Variants in TIAM2 observed in about 807,000 individuals in gnomAD.
The protein encoded by TIAM2 is rho guanine nucleotide exchange factor TIAM2.
TIAM2 carries 80 observed loss-of-function variants against 152.9 expected under a neutral mutation model. The ratio of observed to expected loss-of-function variants is 0.52; its 90% CI spans 0.44 to 0.63. TIAM2 has a LOEUF of 0.63. Ranked by LOEUF, TIAM2 falls within the 30% of genes least tolerant of loss-of-function variation. TIAM2 has a pLI of 0.00. For synonymous variants in TIAM2, 804 were observed against 838.0 expected, an observed-to-expected ratio of 0.96 and a Z score of 0.70; for missense variants, 1,965 against 2,120.1, an observed-to-expected ratio of 0.93 and a Z score of 1.44.
At chr6:155,172,402 C>CA (rs111691865) in intron 9 of TIAM2, among the ~76,000 whole-genome samples, 1 of 150,958 alleles carries the variant, frequency 6.6e-6, no homozygotes. Flanking sequence ...CCTCAGCTTC[C>CA]AAAAAAAATC....
Position 155,043,633 on chromosome 6 carries a change from CAAA to C in TIAM2, c.-208-46634_-208-46632del, listed in dbSNP as rs60093259. 7.9e-3 allele frequency among the ~76,000 whole-genome samples: 395 copies of C among 50,250 alleles called. 2 individuals are homozygous for C. The highest frequency in any genetic ancestry group is 0.027 in the African/African-American group (347 of 12,878). 33.0% of individuals were successfully genotyped at this position (50,250 alleles called of 152,430 possible). A position where few individuals can be genotyped will look rare whatever the true frequency, so the allele number is the denominator to read the frequency against. On this transcript the variant is annotated intron_variant, in intron 1 of 26. Transcript: ENST00000682666. ...TGGGTGACAGAGTGAGACCCTGTCT[CAAA>C]AAAAAAAAAAAAAAAAAAAAAGGAT... is the stretch of plus-strand genomic sequence containing the variant.
At position 155,118,543 on chromosome 6, in the gene TIAM2, C is replaced by T. The variant is rs192726690; in HGVS notation, c.-117-8947C>T. On this transcript the variant is annotated intron_variant, in intron 2 of 26. Coordinates refer to ENST00000682666, the MANE Select transcript of TIAM2 (RefSeq NM_012454.4). ...TGCCTCCTGGATTCAAGTGTTTCTC[C>T]TGTCTCAGCCTCCCAAGTAGCTGGA... Among the ~76,000 whole-genome samples the T allele has an allele frequency of 3.0e-4, 45 of 150,662 alleles. No homozygotes were observed. The East Asian group carries it at 8.1e-3, about 27-fold the overall frequency.
At chr6:155,144,913 T>C (rs1779788542) in intron 6 of TIAM2, 135 bp downstream of exon 6, 3 of 1,016,036 alleles carry the variant, frequency 3.0e-6, no homozygotes, top group Non-Finnish European at 2.8e-6. Flanking sequence ...AAGCAACAGA[T>C]GTTGGCTTCC....
chr6:155,230,593 T>A (rs1782430341), intron 15 of TIAM2, among the ~76,000 whole-genome samples: 1 of 152,208 alleles, frequency 6.6e-6, no homozygotes, highest in Non-Finnish European at 1.5e-5. Context: ...TCAGGCCTTT[T>A]CTGCCTCAAA....
In TIAM2 at chr6:155,250,709, T is replaced by C. The variant is rs567169571; in HGVS notation, c.3952-204T>C. Reference sequence around the variant, plus strand: ...TGCACTGGAGCAAAATGCCTTCACCTTTATGTTATTCATCAGACACTTGGG... The same window carrying C: ...TGCACTGGAGCAAAATGCCTTCACCCTTATGTTATTCATCAGACACTTGGG... On this transcript the variant is annotated intron_variant, in intron 21 of 26. Coordinates refer to ENST00000682666, the MANE Select transcript of TIAM2 (RefSeq NM_012454.4). 9.4e-6 allele frequency: 12 copies of C among 1,281,856 alleles called. No homozygotes were observed. The East Asian group carries it at 3.0e-4, about 32-fold the overall frequency. The allele number at this position is 1,281,856 out of a possible 1,614,324, so 79.4% of individuals were successfully genotyped here. A position where few individuals can be genotyped will look rare whatever the true frequency, so the allele number is the denominator to read the frequency against.
intron 1 of TIAM2, among the ~76,000 whole-genome samples, chr6:155,029,860 G>A (rs1024439007): frequency 2.8e-4 from 42 of 150,886 alleles, no homozygotes; most frequent in African/African-American, 8.8e-4. Flanking sequence ...TGGTGTGATC[G>A]CGGCTCACTG....
At chr6:154,996,204 C>T (rs1778209072) in intron 1 of TIAM2, among the ~76,000 whole-genome samples, 1 of 152,206 alleles carries the variant, frequency 6.6e-6, no homozygotes, top group Non-Finnish European at 1.5e-5. Context: ...CTGGAAAGGT[C>T]TGGGAGTAAC....
At chr6:155,045,879 T>G (rs2114914116) in intron 1 of TIAM2, among the ~76,000 whole-genome samples, 1 of 150,934 alleles carries the variant, frequency 6.6e-6, no homozygotes, top group African/African-American at 2.4e-5. Context: ...GTTTGTTTGT[T>G]TTAGCCATAG....
At chr6:155,107,274 T>G (rs1778717769) in intron 2 of TIAM2, among the ~76,000 whole-genome samples, 1 of 152,228 alleles carries the variant, frequency 6.6e-6, no homozygotes, top group Non-Finnish European at 1.5e-5. Context: ...AGTGCTGACT[T>G]ATTTTTGTCT....
intron 1 of TIAM2, among the ~76,000 whole-genome samples, chr6:155,029,469 T>C: frequency 2.0e-5 from 1 of 50,172 alleles, no homozygotes; most frequent in African/African-American, 1.1e-4. Context: ...ATATAATATA[T>C]ACTATAGTAT....
chr6:155,017,906 A>C (rs1481413457), intron 1 of TIAM2, among the ~76,000 whole-genome samples: 1 of 152,154 alleles, frequency 6.6e-6, no homozygotes, highest in Non-Finnish European at 1.5e-5. Context: ...CACCGGCCCC[A>C]TGGGGCTGTG....
chr6:155,020,406 C>A (rs1776451781), intron 1 of TIAM2, among the ~76,000 whole-genome samples: 1 of 152,084 alleles, frequency 6.6e-6, no homozygotes, highest in East Asian at 1.9e-4. Context: ...CCTTTTTTCA[C>A]CTACTTTAAA....
intron 2 of TIAM2, among the ~76,000 whole-genome samples, chr6:155,109,521 CT>C (rs1778785194): frequency 6.6e-6 from 1 of 152,178 alleles, no homozygotes; most frequent in South Asian, 2.1e-4. Flanking sequence ...ACCTGAATGT[CT>C]GACTGTTGAA....
At chr6:155,007,527 AAAG>A (rs1420877544) in intron 1 of TIAM2, among the ~76,000 whole-genome samples, 1 of 152,084 alleles carries the variant, frequency 6.6e-6, no homozygotes, top group African/African-American at 2.4e-5. Flanking sequence ...TCTGGTTTCT[AAAG>A]AAGAGGTTTG....
chr6:155,200,195 T>C (rs1781444262), intron 14 of TIAM2, among the ~76,000 whole-genome samples: 1 of 152,212 alleles, frequency 6.6e-6, no homozygotes, highest in Non-Finnish European at 1.5e-5. Context: ...TATCTGAGGG[T>C]TGGGACTGAT....
intron 1 of TIAM2, among the ~76,000 whole-genome samples, chr6:155,043,175 G>T (rs897045304): frequency 3.3e-5 from 5 of 152,174 alleles, no homozygotes; most frequent in African/African-American, 1.2e-4. Context: ...ATCAGATTCT[G>T]CTGACTGTGC....
chr6:155,087,071 A>G (rs1409008074), intron 1 of TIAM2, among the ~76,000 whole-genome samples: 2 of 152,280 alleles, frequency 1.3e-5, no homozygotes, highest in Admixed American at 1.3e-4. Flanking sequence ...TAACCCTGTG[A>G]GGTTCGGGGT....
chr6:155,163,844 C>T lies in TIAM2; in HGVS notation c.2029-571C>T, dbSNP rs931893035. 4.6e-5 allele frequency among the ~76,000 whole-genome samples: 7 copies of T among 152,304 alleles called. No homozygotes were observed. In the South Asian group the frequency reaches 1.5e-3, roughly 32 times the overall value. On this transcript the variant is annotated intron_variant, in intron 7 of 26. Coordinates refer to ENST00000682666, the MANE Select transcript of TIAM2 (RefSeq NM_012454.4). ...AAGTCAGGATGGTTTAGAGTGTTGG[C>T]ATTCTCCAAACAAACATCATGCCTT...
chr6:155,057,719 T>C (rs1777488050), intron 1 of TIAM2, among the ~76,000 whole-genome samples: 1 of 151,822 alleles, frequency 6.6e-6, no homozygotes, highest in Non-Finnish European at 1.5e-5. Flanking sequence ...CTAACTTTTG[T>C]ATTTTTAGTA....
Sources: allele counts gnomAD v4.1 joint callset (sites outside exome capture counted in the v4.1 genomes callset), GRCh38; gene constraint gnomAD v4.1.1; transcripts MANE v1.5; gene names NCBI Gene and HGNC (gene_info 2026-07-23, HGNC 2026-07-21).